FBP1: variants seen among roughly 807,000 people sequenced by gnomAD.
The protein encoded by FBP1 is fructose-1,6-bisphosphatase 1.
A neutral mutation model predicts 29.9 loss-of-function variants in FBP1; 22 were observed. The ratio of observed to expected loss-of-function variants is 0.74; its 90% CI spans 0.53 to 1.05. The LOEUF (loss-of-function observed/expected upper bound fraction) is 1.05, where lower values mean the gene tolerates loss of function less well. FBP1 is among the 50% of genes least tolerant of loss of function. The probability of loss-of-function intolerance (pLI) is 0.00; values close to 1 mark genes in which losing one functional copy is unlikely to be tolerated. For synonymous variants in FBP1, 175 were observed against 178.6 expected, an observed-to-expected ratio of 0.98 and a Z score of 0.16; for missense variants, 345 against 448.2, an observed-to-expected ratio of 0.77 and a Z score of 2.08.
intron 1 of FBP1, among the ~76,000 whole-genome samples, chr9:94,637,662 A>AT (rs779495139): frequency 7.3e-5 from 11 of 151,372 alleles, no homozygotes; most frequent in Non-Finnish European, 1.6e-4. Flanking sequence ...AAGTGCTGGG[A>AT]TGACAGGCTA....
intron 1 of FBP1, among the ~76,000 whole-genome samples, chr9:94,637,878 T>C (rs1224474044): frequency 6.6e-6 from 1 of 150,932 alleles, no homozygotes; most frequent in Non-Finnish European, 1.5e-5. Flanking sequence ...AGGTCGGGAG[T>C]TCGAGACCAG....
At chr9:94,613,047 C>T (rs1827808695) in intron 3 of FBP1, among the ~76,000 whole-genome samples, 1 of 152,168 alleles carries the variant, frequency 6.6e-6, no homozygotes, top group African/African-American at 2.4e-5. Flanking sequence ...TATTCCATGT[C>T]ATCACATAAG....
chr9:94,614,586 C>CAGG (rs982078528), intron 3 of FBP1, among the ~76,000 whole-genome samples: 1 of 152,100 alleles, frequency 6.6e-6, no homozygotes, highest in Non-Finnish European at 1.5e-5. Context: ...GATGCTGTGG[C>CAGG]AGGAGCTGCA....
At chr9:94,604,179 T>C (rs1827656691) in intron 6 of FBP1, among the ~76,000 whole-genome samples, 1 of 152,204 alleles carries the variant, frequency 6.6e-6, no homozygotes, top group African/African-American at 2.4e-5. Context: ...GAGCGACAGC[T>C]TTCTGCAGGT....
intron 1 of FBP1, among the ~76,000 whole-genome samples, chr9:94,632,397 C>T (rs1199254783): frequency 6.6e-6 from 1 of 152,154 alleles, no homozygotes; most frequent in Non-Finnish European, 1.5e-5. Flanking sequence ...AGACCAGGCA[C>T]GGTGGCTCAC....
intron 5 of FBP1, among the ~76,000 whole-genome samples, chr9:94,605,903 A>C (rs1370561165): frequency 3.3e-5 from 5 of 152,198 alleles, no homozygotes; most frequent in Admixed American, 3.3e-4. Flanking sequence ...AAAGTTTGTT[A>C]CCAAGCTAAG....
intron 6 of FBP1, 89 bp downstream of exon 6, chr9:94,605,368 G>A: frequency 7.0e-7 from 1 of 1,426,712 alleles, no homozygotes; most frequent in Non-Finnish European, 9.7e-7. Context: ...GAGCGTAATA[G>A]CTAGCAAAAC....
At chr9:94,617,899 T>G in intron 2 of FBP1, 39 bp from the exon 3 acceptor site, 1 of 1,466,144 alleles carries the variant, frequency 6.8e-7, no homozygotes, top group Non-Finnish European at 9.5e-7. Context: ...TAAAATGTTA[T>G]AGCAAGATAC....
chr9:94,639,443 G>T lies in FBP1; in HGVS notation c.-133C>A. ...CAGGTGCGGGCGGCAGGTGCGGGCC[G>T]CGGGACCTGGCGGGAGGACTGACAG... On this transcript the variant is annotated 5_prime_UTR_variant, in exon 1 of 7. Transcript: ENST00000375326. 1 of 983,082 alleles carries T rather than the reference G, an allele frequency of 1.0e-6. No individual in the cohort carries two copies. The allele number at this position is 983,082 out of a possible 1,614,324, so 60.9% of individuals were successfully genotyped here.
chr9:94,627,573 G>A (rs977393298), intron 1 of FBP1, among the ~76,000 whole-genome samples: 5 of 152,106 alleles, frequency 3.3e-5, no homozygotes, highest in South Asian at 4.1e-4. Flanking sequence ...GCCATCCCCC[G>A]TCTGAAGTTC....
Position 94,614,263 on chromosome 9 carries a change from G to C in FBP1, c.426+3505C>G, listed in dbSNP as rs189483474. ...AGAAAGAATAGTAGTAGTCGTGGCC[G>C]GGCGCGGTGGCTCACGCCTGTAATT... On this transcript the variant is annotated intron_variant, in intron 3 of 6. Coordinates refer to ENST00000375326, the MANE Select transcript of FBP1 (RefSeq NM_000507.4). 6.0e-5 allele frequency among the ~76,000 whole-genome samples: 9 copies of C among 150,954 alleles called. No homozygotes were observed. In the East Asian group the frequency reaches 1.4e-3, roughly 23 times the overall value.
chr9:94,618,375 C>T (rs1208172501), intron 2 of FBP1, among the ~76,000 whole-genome samples: 1 of 142,156 alleles, frequency 7.0e-6, no homozygotes, highest in Non-Finnish European at 1.5e-5. Context: ...AATCCTAGCA[C>T]TTTGGGAGGC....
chr9:94,640,008 G>C (rs1828262335), upstream of FBP1: 1 of 155,886 alleles, frequency 6.4e-6, no homozygotes, highest in Non-Finnish European at 1.4e-5. Context: ...TGGCCCTTCT[G>C]TCCCCGCTAG....
At chr9:94,632,137 C>T (rs1010090464) in intron 1 of FBP1, among the ~76,000 whole-genome samples, 2 of 152,060 alleles carry the variant, frequency 1.3e-5, no homozygotes, top group Admixed American at 6.6e-5. Flanking sequence ...CATTCTAAAA[C>T]GAAATCTGAA....
At chr9:94,616,509 C>T (rs1291577736) in intron 3 of FBP1, among the ~76,000 whole-genome samples, 1 of 135,230 alleles carries the variant, frequency 7.4e-6, no homozygotes, top group South Asian at 2.3e-4. Flanking sequence ...GGTGTGATCT[C>T]GGCTCACTGC....
chr9:94,635,665 G>A (rs28402390), intron 1 of FBP1, among the ~76,000 whole-genome samples: 16,217 of 152,156 alleles, frequency 0.11, 1,056 homozygotes, highest in East Asian at 0.24. Context: ...ATGGCCAAAC[G>A]CTGAACTTCC....
At chr9:94,632,301 C>G (rs980117328) in intron 1 of FBP1, among the ~76,000 whole-genome samples, 4 of 152,122 alleles carry the variant, frequency 2.6e-5, no homozygotes, top group Non-Finnish European at 1.5e-5. Flanking sequence ...CCTGGACTCT[C>G]TCCCTGCTGA....
At chr9:94,615,870 C>T (rs1286179569) in intron 3 of FBP1, among the ~76,000 whole-genome samples, 2 of 150,980 alleles carry the variant, frequency 1.3e-5, no homozygotes, top group African/African-American at 4.9e-5. Context: ...CTCTGTCACC[C>T]GGACTGGAGT....
At chr9:94,629,084 C>T (rs764043433) in intron 1 of FBP1, among the ~76,000 whole-genome samples, 21 of 152,152 alleles carry the variant, frequency 1.4e-4, no homozygotes, top group Admixed American at 3.9e-4. Context: ...CGGGTTCAAG[C>T]GATTCTCCTG....
Sources: gnomAD v4.1 joint callset for allele counts (sites outside exome capture counted in the v4.1 genomes callset) on GRCh38, gnomAD v4.1.1 for gene constraint, MANE v1.5 for transcripts, NCBI Gene and HGNC (gene_info 2026-07-23, HGNC 2026-07-21) for gene names.